HERC4: variants seen among roughly 807,000 people sequenced by gnomAD.
HERC4 encodes the protein probable E3 ubiquitin-protein ligase HERC4.
HERC4 carries 28 observed loss-of-function variants against 124.3 expected under a neutral mutation model. The observed-to-expected ratio is 0.23, with a 90% CI of 0.17 to 0.31. The LOEUF (loss-of-function observed/expected upper bound fraction) is 0.31, where lower values mean the gene tolerates loss of function less well. HERC4 is among the 10% of genes least tolerant of loss of function. The pLI, the probability that HERC4 is intolerant of heterozygous loss-of-function variation, is 1.00. For missense variants in HERC4, 713 were observed against 1,229.3 expected (o/e 0.58, Z 6.28); for synonymous variants, 407 against 421.5 (o/e 0.97, Z 0.42).
chr10:68,058,957 A>G (rs963066672), intron 3 of HERC4, among the ~76,000 whole-genome samples: 3 of 152,052 alleles, frequency 2.0e-5, no homozygotes, highest in Non-Finnish European at 4.4e-5. Flanking sequence ...TCCCACCTCT[A>G]CACCAACAGT....
At chr10:68,039,381 T>C (rs1258832080) in intron 4 of HERC4, 11 of 1,540,352 alleles carry the variant, frequency 7.1e-6, no homozygotes, top group South Asian at 1.2e-5. Context: ...ACACAATATG[T>C]TTCTTATTTC....
At chr10:68,021,058 T>C (rs948742796) in intron 8 of HERC4, among the ~76,000 whole-genome samples, 1 of 151,802 alleles carries the variant, frequency 6.6e-6, no homozygotes, top group Non-Finnish European at 1.5e-5. Flanking sequence ...AACTCCCAAA[T>C]ATGGGGAAAG....
intron 3 of HERC4, among the ~76,000 whole-genome samples, chr10:68,048,288 T>C (rs546837075): frequency 1.4e-4 from 21 of 152,216 alleles, no homozygotes; most frequent in African/African-American, 4.6e-4. Flanking sequence ...CGTCCTTCAG[T>C]AGGTGAATGG....
At chr10:68,025,200 G>C (rs1245751361) in intron 8 of HERC4, among the ~76,000 whole-genome samples, 1 of 151,818 alleles carries the variant, frequency 6.6e-6, no homozygotes, top group Non-Finnish European at 1.5e-5. Context: ...TCCAGACTGG[G>C]TGACAGAGCA....
chr10:68,039,717 A>G (rs1589395083), intron 4 of HERC4: 1 of 1,335,934 alleles, frequency 7.5e-7, no homozygotes, highest in Non-Finnish European at 9.6e-7. Flanking sequence ...AACACTGGCA[A>G]TGCAAACAGA....
chr10:67,991,026 GA>G lies in HERC4; in HGVS notation c.1332-12del. The G allele has an allele frequency of 7.9e-7, 1 of 1,258,732 alleles. No homozygotes were observed. The highest frequency in any genetic ancestry group is 1.0e-6 in the Non-Finnish European group (1 of 987,092). 78.0% of individuals were successfully genotyped at this position (1,258,732 alleles called of 1,614,324 possible). On this transcript the variant is annotated splice_polypyrimidine_tract_variant and intron_variant, in intron 12 of 24. Transcript: ENST00000373700. ...TAGTGATCATCATTGCTAAAAAACA[GA>G]AAAGAAAAAAAAAAATAGAATAAAA...
At chr10:68,027,544 A>G (rs2038967209) in intron 7 of HERC4, among the ~76,000 whole-genome samples, 1 of 152,234 alleles carries the variant, frequency 6.6e-6, no homozygotes, top group African/African-American at 2.4e-5. Flanking sequence ...ATATCAGCTA[A>G]TAACTAGGCC....
intron 17 of HERC4, chr10:67,956,663 AATG>A (rs950272607): frequency 8.0e-5 from 27 of 337,318 alleles, no homozygotes; most frequent in Admixed American, 2.7e-4. Flanking sequence ...TAATATATAA[AATG>A]ATTATAGGTT....
chr10:68,072,501 TCC>T (rs1309500520), intron 3 of HERC4, among the ~76,000 whole-genome samples: 2 of 151,982 alleles, frequency 1.3e-5, no homozygotes, highest in Admixed American at 1.3e-4. Flanking sequence ...CTTGTTTTCC[TCC>T]CCCCTCCCAA....
At chr10:68,036,358 G>A (rs1234024879) in intron 5 of HERC4, among the ~76,000 whole-genome samples, 3 of 150,362 alleles carry the variant, frequency 2.0e-5, no homozygotes, top group African/African-American at 7.3e-5. Flanking sequence ...ATAAGATATT[G>A]CCTACACCAC....
intron 4 of HERC4, chr10:68,040,208 C>T: frequency 1.0e-6 from 1 of 983,256 alleles, no homozygotes; most frequent in Non-Finnish European, 1.2e-6. Context: ...AGTTACTCTC[C>T]TTTCCAAAAT....
chr10:68,039,638 A>C, intron 4 of HERC4: 1 of 1,373,952 alleles, frequency 7.3e-7, no homozygotes, highest in South Asian at 1.9e-5. Context: ...CCAACAAATT[A>C]GCAGGATCCA....
At chr10:68,028,419 G>C (rs1193900304) in intron 7 of HERC4, among the ~76,000 whole-genome samples, 1 of 152,106 alleles carries the variant, frequency 6.6e-6, no homozygotes, top group South Asian at 2.1e-4. Flanking sequence ...TCCAGTGAAA[G>C]CTCCTTCAAG....
chr10:68,040,500 T>G, intron 4 of HERC4: 1 of 712,080 alleles, frequency 1.4e-6, no homozygotes. Flanking sequence ...TAAATAAATT[T>G]GTTAGAACTC....
chr10:67,950,450 AT>A, intron 19 of HERC4, among the ~76,000 whole-genome samples: 1 of 152,032 alleles, frequency 6.6e-6, no homozygotes, highest in Non-Finnish European at 1.5e-5. Flanking sequence ...TAATTTTTGT[AT>A]TTTTAGTAGA....
intron 24 of HERC4, among the ~76,000 whole-genome samples, chr10:67,924,788 A>G (rs2030689105): frequency 6.6e-6 from 1 of 152,242 alleles, no homozygotes; most frequent in Non-Finnish European, 1.5e-5. Flanking sequence ...AGATCTTTTT[A>G]GAAATCTAAA....
intron 9 of HERC4, among the ~76,000 whole-genome samples, chr10:68,013,069 A>G (rs572738189): frequency 6.6e-6 from 1 of 152,158 alleles, no homozygotes; most frequent in Non-Finnish European, 1.5e-5. Context: ...TGATTTTTAC[A>G]AATTGAAGGT....
intron 19 of HERC4, among the ~76,000 whole-genome samples, chr10:67,948,386 T>C (rs1053594857): frequency 3.3e-5 from 5 of 151,070 alleles, no homozygotes; most frequent in Non-Finnish European, 5.9e-5. Context: ...TTCTCAAAAG[T>C]AGATATACAA....
rs553691328 is a variant in HERC4 at position 68,056,564 on chromosome 10, A to G, written c.227-12001T>C. 1.0e-3 allele frequency among the ~76,000 whole-genome samples: 159 copies of G among 152,320 alleles called. 1 individual carries two copies. Among genetic ancestry groups the G allele is most frequent in the African/African-American group, 3.6e-3 (149 of 41,564 alleles). On this transcript the variant is annotated intron_variant, in intron 3 of 24. Transcript: ENST00000373700. The stretch of plus-strand genomic sequence containing the variant: ...CACAAAATGTGTGACTTGAATTCTT[A>G]TAAGAGTGACCAAGGAGTAATGATG...
Sources: gnomAD v4.1 joint callset for allele counts (sites outside exome capture counted in the v4.1 genomes callset) on GRCh38, gnomAD v4.1.1 for gene constraint, MANE v1.5 for transcripts, NCBI Gene and HGNC (gene_info 2026-07-23, HGNC 2026-07-21) for gene names.